The following SND1 variants were observed in gnomAD, a reference collection of about 807,000 sequenced individuals.
The protein encoded by SND1 is staphylococcal nuclease domain-containing protein 1.
A neutral mutation model predicts 121.7 loss-of-function variants in SND1; 38 were observed. The ratio of observed to expected loss-of-function variants is 0.31; its 90% CI spans 0.24 to 0.41. The LOEUF (loss-of-function observed/expected upper bound fraction) is 0.41. SND1 is among the 10% of genes least tolerant of loss of function. The pLI is 1.00. For synonymous variants in SND1, 401 were observed against 447.4 expected, an observed-to-expected ratio of 0.90 and a Z score of 1.31; for missense variants, 868 against 1,184.6, an observed-to-expected ratio of 0.73 and a Z score of 3.92.
At chr7:127,977,559 CTGATTAATCTGGTAGT>C (rs1166361421) in intron 15 of SND1, among the ~76,000 whole-genome samples, 8 of 151,692 alleles carry the variant, frequency 5.3e-5, no homozygotes, top group African/African-American at 1.9e-4. Flanking sequence ...AATCTGGTAG[CTGATTAATCTGGTAGT>C]AGATTAAGCT....
At chr7:127,684,681 A>G (rs1795782932) in intron 1 of SND1, among the ~76,000 whole-genome samples, 1 of 152,138 alleles carries the variant, frequency 6.6e-6, no homozygotes, top group African/African-American at 2.4e-5. Flanking sequence ...GGGTGTTAGC[A>G]TGGTTATTTG....
intron 1 of SND1, among the ~76,000 whole-genome samples, chr7:127,657,055 A>G (rs1795224361): frequency 2.0e-5 from 3 of 152,256 alleles, no homozygotes; most frequent in South Asian, 4.1e-4. Context: ...GGAAGCATCC[A>G]TCTGGCTCTA....
At chr7:127,943,197 T>C (rs1243530897) in intron 15 of SND1, among the ~76,000 whole-genome samples, 1 of 152,202 alleles carries the variant, frequency 6.6e-6, no homozygotes, top group African/African-American at 2.4e-5. Flanking sequence ...ATTCTATTAA[T>C]CATTGTAATA....
intron 10 of SND1, among the ~76,000 whole-genome samples, chr7:127,755,904 G>A (rs1452239039): frequency 6.6e-6 from 1 of 152,230 alleles, no homozygotes; most frequent in Non-Finnish European, 1.5e-5. Context: ...AAATACAAGA[G>A]TATGCTACTC....
intron 14 of SND1, among the ~76,000 whole-genome samples, chr7:127,909,450 A>ATT (rs533026171): frequency 1.6e-4 from 23 of 140,396 alleles, no homozygotes; most frequent in South Asian, 4.6e-4. Flanking sequence ...AGTATTTCTG[A>ATT]TTTTTTTTTT....
intron 12 of SND1, among the ~76,000 whole-genome samples, chr7:127,846,855 A>G (rs892572604): frequency 7.2e-5 from 11 of 152,202 alleles, no homozygotes; most frequent in African/African-American, 2.7e-4. Flanking sequence ...GGCCATCTCT[A>G]GCAAATAGAC....
intron 16 of SND1, among the ~76,000 whole-genome samples, chr7:128,033,973 A>G (rs58489175): frequency 0.21 from 31,841 of 152,178 alleles, 3,773 homozygotes; most frequent in Middle Eastern, 0.29. Flanking sequence ...TTCTTGTTTA[A>G]TCTTCATTTA....
At chr7:127,680,549 C>G (rs1172004032) in intron 1 of SND1, among the ~76,000 whole-genome samples, 1 of 152,064 alleles carries the variant, frequency 6.6e-6, no homozygotes. Context: ...AGCGATATTT[C>G]TCCTATTTAC....
At chr7:127,925,730 A>G (rs779378758) in intron 14 of SND1, among the ~76,000 whole-genome samples, 3 of 151,530 alleles carry the variant, frequency 2.0e-5, no homozygotes, top group Non-Finnish European at 2.9e-5. Context: ...CAGCCTCCCA[A>G]GTAGCTGGGA....
intron 10 of SND1, among the ~76,000 whole-genome samples, chr7:127,775,638 T>C (rs1433201014): frequency 6.6e-6 from 1 of 152,030 alleles, no homozygotes; most frequent in East Asian, 1.9e-4. Flanking sequence ...TTCTCTACCC[T>C]ATCTGCTTGT....
intron 16 of SND1, among the ~76,000 whole-genome samples, chr7:128,037,281 T>TATA (rs1279226421): frequency 1.3e-5 from 2 of 152,194 alleles, no homozygotes; most frequent in Non-Finnish European, 2.9e-5. Flanking sequence ...TTCCTTGACT[T>TATA]ACAGCTGTAT....
intron 2 of SND1, among the ~76,000 whole-genome samples, chr7:127,691,297 C>T (rs1227028294): frequency 6.6e-6 from 1 of 152,074 alleles, no homozygotes; most frequent in African/African-American, 2.4e-5. Flanking sequence ...AATGCCAGCA[C>T]TTTGGGAGGC....
In SND1 at chr7:127,701,333, G is replaced by A. The variant is rs781458554; in HGVS notation, c.589+10G>A. 1 of 1,613,098 alleles carries A rather than the reference G, an allele frequency of 6.2e-7. No individual in the cohort carries two copies. The highest frequency in any genetic ancestry group is 2.2e-5 in the East Asian group (1 of 44,866). On this transcript the variant is annotated intron_variant, in intron 5 of 23. Transcript: ENST00000354725. ...CAGAAGCCTGTTAATGGTGAGGCTG[G>A]TGGGAACAGACAGATACGACTCAGG...
chr7:128,054,723 A>G (rs1231773348), intron 16 of SND1, among the ~76,000 whole-genome samples: 5 of 152,052 alleles, frequency 3.3e-5, no homozygotes, highest in African/African-American at 9.7e-5. Context: ...CTCCCCACAC[A>G]TGAGGCACTA....
At chr7:127,719,458 C>T (rs745525688) in intron 9 of SND1, among the ~76,000 whole-genome samples, 1 of 152,108 alleles carries the variant, frequency 6.6e-6, no homozygotes, top group Non-Finnish European at 1.5e-5. Flanking sequence ...GGGTAGCTAG[C>T]CCTGACCTTG....
chr7:128,050,588 C>T (rs1482514230), intron 16 of SND1, among the ~76,000 whole-genome samples: 1 of 152,180 alleles, frequency 6.6e-6, no homozygotes, highest in Non-Finnish European at 1.5e-5. Context: ...GCAATTTTGC[C>T]ATTGGAGCAA....
chr7:128,035,719 G>A (rs2116999143), intron 16 of SND1, among the ~76,000 whole-genome samples: 1 of 152,324 alleles, frequency 6.6e-6, no homozygotes, highest in Admixed American at 6.5e-5. Context: ...GCTGGATTGG[G>A]ATAAAGAAGA....
chr7:127,809,459 C>A (rs1281156649), intron 11 of SND1, among the ~76,000 whole-genome samples: 1 of 152,202 alleles, frequency 6.6e-6, no homozygotes, highest in East Asian at 1.9e-4. Context: ...CTGTCACTTG[C>A]CACAGTGAAC....
At chr7:127,938,056 G>C (rs1801099812) in intron 15 of SND1, among the ~76,000 whole-genome samples, 1 of 152,240 alleles carries the variant, frequency 6.6e-6, no homozygotes, top group East Asian at 1.9e-4. Flanking sequence ...CTTTCTCTTG[G>C]GATATCCCAG....
Sources: gnomAD v4.1 joint callset for allele counts (sites outside exome capture counted in the v4.1 genomes callset) on GRCh38, gnomAD v4.1.1 for gene constraint, MANE v1.5 for transcripts, NCBI Gene and HGNC (gene_info 2026-07-23, HGNC 2026-07-21) for gene names.